TRERF1: variants seen among roughly 807,000 people sequenced by gnomAD.
TRERF1 encodes transcriptional regulating factor 1.
TRERF1 carries 27 observed loss-of-function variants against 122.9 expected under a neutral mutation model. That is an observed-to-expected ratio of 0.22 (90% CI 0.16 to 0.30). The LOEUF is 0.30. TRERF1 is among the 10% of genes least tolerant of loss of function. TRERF1 has a pLI of 1.00. For missense variants in TRERF1, 1,248 were observed against 1,560.3 expected, an observed-to-expected ratio of 0.80 and a Z score of 3.37; for synonymous variants, 636 against 641.7, an observed-to-expected ratio of 0.99 and a Z score of 0.13.
chr6:42,360,770 T>TAAAAAAAAAAAAAA lies in TRERF1; in HGVS notation c.-371+2226_-371+2227insTTTTTTTTTTTTTT, dbSNP rs1491517636. 1.4e-4 allele frequency among the ~76,000 whole-genome samples: 9 copies of TAAAAAAAAAAAAAA among 64,042 alleles called. 1 individual carries two copies. Among genetic ancestry groups the TAAAAAAAAAAAAAA allele is most frequent in the African/African-American group, 3.7e-4 (8 of 21,582 alleles). The allele number at this position is 64,042 out of a possible 152,430, so 42.0% of individuals were successfully genotyped here. On this transcript the variant is annotated intron_variant, in intron 3 of 17. Transcript: ENST00000372922. ...ACCCAGGGAGGAAGGAGTGGAGAGA[T>TAAAAAAAAAAAAAA]TAAAAAAAAAAAAAAAAAAAAAAAA...
At chr6:42,318,205 A>G (rs1762824521) in intron 3 of TRERF1, among the ~76,000 whole-genome samples, 1 of 152,204 alleles carries the variant, frequency 6.6e-6, no homozygotes, top group African/African-American at 2.4e-5. Flanking sequence ...ATTGAATAAT[A>G]ATCCACTCTA....
At chr6:42,273,774 C>T (rs73424353) in intron 4 of TRERF1, among the ~76,000 whole-genome samples, 8,862 of 152,294 alleles carry the variant, frequency 0.058, 314 homozygotes, top group African/African-American at 0.1. Context: ...CAGGCTTAAA[C>T]CTCTTCACTT....
chr6:42,326,538 C>T (rs1376152703), intron 3 of TRERF1, among the ~76,000 whole-genome samples: 1 of 152,176 alleles, frequency 6.6e-6, no homozygotes, highest in Non-Finnish European at 1.5e-5. Flanking sequence ...CAAAGCCTCC[C>T]CTCACATATA....
intron 2 of TRERF1, among the ~76,000 whole-genome samples, chr6:42,449,676 A>C (rs1788125157): frequency 6.6e-6 from 1 of 152,208 alleles, no homozygotes; most frequent in African/African-American, 2.4e-5. Flanking sequence ...ATCAGGTAAA[A>C]ATAATAGCTA....
chr6:42,235,786 G>T (rs576815341), intron 16 of TRERF1, among the ~76,000 whole-genome samples: 48 of 152,170 alleles, frequency 3.2e-4, no homozygotes. Context: ...AGGAGGTAGG[G>T]CAAGTAATTA....
intron 3 of TRERF1, among the ~76,000 whole-genome samples, chr6:42,355,918 G>A (rs1770455597): frequency 6.6e-6 from 1 of 152,192 alleles, no homozygotes; most frequent in African/African-American, 2.4e-5. Flanking sequence ...GTTATAGAAG[G>A]TGATCATGGA....
intron 3 of TRERF1, among the ~76,000 whole-genome samples, chr6:42,328,322 T>TAAA (rs1159001200): frequency 1.3e-5 from 2 of 151,852 alleles, no homozygotes; most frequent in African/African-American, 4.8e-5. Flanking sequence ...TATCCCTAAT[T>TAAA]AAAAAACAAA....
chr6:42,402,482 C>T (rs1336879634), intron 2 of TRERF1, among the ~76,000 whole-genome samples: 4 of 152,184 alleles, frequency 2.6e-5, no homozygotes, highest in African/African-American at 9.7e-5. Context: ...CTAGCTGCAA[C>T]TCAAACTGTA....
chr6:42,301,381 C>A (rs952190529), intron 3 of TRERF1, among the ~76,000 whole-genome samples: 10 of 152,204 alleles, frequency 6.6e-5, no homozygotes, highest in African/African-American at 1.7e-4. Context: ...AGGTGCCCAC[C>A]ACCACACCTG....
intron 2 of TRERF1, among the ~76,000 whole-genome samples, chr6:42,386,600 G>C (rs972190885): frequency 6.6e-6 from 1 of 152,166 alleles, no homozygotes; most frequent in African/African-American, 2.4e-5. Flanking sequence ...ATTAATGTTA[G>C]GGGACAGGTC....
chr6:42,320,292 C>T (rs905200128), intron 3 of TRERF1, among the ~76,000 whole-genome samples: 1 of 152,012 alleles, frequency 6.6e-6, no homozygotes, highest in African/African-American at 2.4e-5. Context: ...TTTCCTAAAT[C>T]CTAAAGGGGT....
intron 2 of TRERF1, among the ~76,000 whole-genome samples, chr6:42,373,725 G>A (rs1774221734): frequency 6.6e-6 from 1 of 151,796 alleles, no homozygotes; most frequent in East Asian, 1.9e-4. Flanking sequence ...CAGCTACTCA[G>A]GGGGCTGAGT....
At chr6:42,355,902 A>T (rs889757658) in intron 3 of TRERF1, among the ~76,000 whole-genome samples, 3 of 152,254 alleles carry the variant, frequency 2.0e-5, no homozygotes, top group Admixed American at 2.0e-4. Flanking sequence ...TAAGAGGCAC[A>T]TGAAGGTTAT....
intron 15 of TRERF1, among the ~76,000 whole-genome samples, chr6:42,241,299 A>G (rs1013063496): frequency 1.3e-5 from 2 of 152,234 alleles, no homozygotes; most frequent in South Asian, 2.1e-4. Context: ...TCCTGAATGT[A>G]GAATACTGCC....
At chr6:42,305,755 G>A (rs529372988) in intron 3 of TRERF1, among the ~76,000 whole-genome samples, 1 of 152,132 alleles carries the variant, frequency 6.6e-6, no homozygotes, top group African/African-American at 2.4e-5. Flanking sequence ...AGGGGGAGGG[G>A]GATGCAGGAA....
intron 2 of TRERF1, among the ~76,000 whole-genome samples, chr6:42,447,512 A>C (rs932573035): frequency 6.6e-6 from 1 of 152,144 alleles, no homozygotes; most frequent in Non-Finnish European, 1.5e-5. Context: ...TCAACATGCA[A>C]ATTCAGAAAT....
At position 42,268,174 on chromosome 6, in the gene TRERF1, G is replaced by C. The variant is rs778318329; in HGVS notation, c.1417C>G (p.Pro473Ala). ...AATACCTGGGGCCACATGGCACTGG[G>C]AGACAGCTGCTGATGCTGAGGCCCC... The change falls in exon 5 of 18, where the codon CCC becomes GCC. Residue 473 changes from proline (P) to alanine (A), a missense_variant. Around this residue, in one of 5 missense-constraint regions of TRERF1, gnomAD observed 946 missense variants for 1,073.0 expected, o/e 0.88. Coordinates refer to ENST00000372922, the Ensembl canonical transcript of TRERF1. The surrounding 1 kb of genome is among the most constrained non-coding windows in gnomAD (Gnocchi z 4.4). The C allele has an allele frequency of 3.8e-5, 56 of 1,459,970 alleles. No homozygotes were observed. The highest frequency in any genetic ancestry group is 4.3e-5 in the Non-Finnish European group (48 of 1,104,812). The allele number at this position is 1,459,970 out of a possible 1,614,324, so 90.4% of individuals were successfully genotyped here.
At chr6:42,327,630 A>C (rs1419596557) in intron 3 of TRERF1, among the ~76,000 whole-genome samples, 2 of 152,220 alleles carry the variant, frequency 1.3e-5, no homozygotes, top group African/African-American at 4.8e-5. Context: ...GGTTAACGTG[A>C]GGATCAAATG....
chr6:42,379,190 C>T lies in TRERF1; in HGVS notation c.-453-16111G>A, dbSNP rs554008645. 2.0e-4 allele frequency among the ~76,000 whole-genome samples: 30 copies of T among 152,106 alleles called. 1 individual carries two copies. Among genetic ancestry groups the T allele is most frequent in the Non-Finnish European group, 2.4e-4 (16 of 68,010 alleles). ...GTCTTTCCCTGGGTCCTCAGCTCAT[C>T]TTCTAGTACCTGTCTTTTCCTTGCC... On this transcript the variant is annotated intron_variant, in intron 2 of 17. Transcript: ENST00000372922.
Sources: allele counts gnomAD v4.1 joint callset (sites outside exome capture counted in the v4.1 genomes callset), GRCh38; gene constraint gnomAD v4.1.1; regional missense constraint gnomAD v4.1.1; non-coding constraint Gnocchi (gnomAD v3.1); transcripts MANE v1.5; gene names NCBI Gene and HGNC (gene_info 2026-07-23, HGNC 2026-07-21).